SNTG1: variants seen among roughly 807,000 people sequenced by gnomAD.
SNTG1 encodes the protein syntrophin gamma 1.
A neutral mutation model predicts 74.7 loss-of-function variants in SNTG1; 39 were observed. The ratio of observed to expected loss-of-function variants is 0.52; its 90% confidence interval spans 0.40 to 0.68. The LOEUF (loss-of-function observed/expected upper bound fraction) is 0.68, where lower values mean the gene tolerates loss of function less well. Ranked by LOEUF, SNTG1 falls within the 30% of genes least tolerant of loss-of-function variation. The pLI is 0.00. For synonymous variants in SNTG1, 254 were observed against 217.1 expected, an observed-to-expected ratio of 1.17 and a Z score of -1.49; for missense variants, 685 against 609.5, an observed-to-expected ratio of 1.12 and a Z score of -1.30.
intron 1 of SNTG1, among the ~76,000 whole-genome samples, chr8:50,044,270 C>G (rs534531732): frequency 3.3e-5 from 5 of 152,030 alleles, no homozygotes; most frequent in Non-Finnish European, 5.9e-5. Context: ...ATTTTTTAAC[C>G]AAGAATTATC....
intron 2 of SNTG1, among the ~76,000 whole-genome samples, chr8:50,211,200 T>G (rs2084506102): frequency 6.6e-6 from 1 of 152,128 alleles, no homozygotes; most frequent in Admixed American, 6.6e-5. Flanking sequence ...AGTACATAAC[T>G]TAGTGTAAAG....
intron 12 of SNTG1, among the ~76,000 whole-genome samples, chr8:50,582,082 A>C (rs555116354): frequency 1.3e-5 from 2 of 152,302 alleles, no homozygotes; most frequent in African/African-American, 4.8e-5. Context: ...ACAATCATCC[A>C]GTATCTGCAG....
intron 2 of SNTG1, among the ~76,000 whole-genome samples, chr8:50,292,115 C>A (rs768438833): frequency 6.6e-6 from 1 of 152,026 alleles, no homozygotes; most frequent in African/African-American, 2.4e-5. Context: ...GCTGAAAATA[C>A]GGTATCCATC....
chr8:50,538,046 T>C (rs916976871), intron 11 of SNTG1, among the ~76,000 whole-genome samples: 1 of 152,204 alleles, frequency 6.6e-6, no homozygotes, highest in African/African-American at 2.4e-5. Flanking sequence ...GATTTATTTA[T>C]AGTATTTTTG....
chr8:50,296,305 CA>C (rs1474419150), intron 2 of SNTG1, among the ~76,000 whole-genome samples: 1 of 152,200 alleles, frequency 6.6e-6, no homozygotes, highest in Admixed American at 6.5e-5. Context: ...TATAAAGACA[CA>C]TGCACATATA....
At chr8:50,311,030 G>C (rs2090091102) in intron 2 of SNTG1, among the ~76,000 whole-genome samples, 1 of 152,130 alleles carries the variant, frequency 6.6e-6, no homozygotes, top group Non-Finnish European at 1.5e-5. Flanking sequence ...CCAAAATTAG[G>C]TCCTGACTTC....
chr8:50,668,119 T>C (rs1180063888), intron 15 of SNTG1, among the ~76,000 whole-genome samples: 1 of 152,024 alleles, frequency 6.6e-6, no homozygotes, highest in Non-Finnish European at 1.5e-5. Context: ...CAAATCCAGC[T>C]TCCTGTCTTA....
intron 2 of SNTG1, among the ~76,000 whole-genome samples, chr8:50,290,835 A>C (rs2089058388): frequency 6.6e-6 from 1 of 151,972 alleles, no homozygotes. Context: ...CTCAGGGCTC[A>C]CTGCAGCCTT....
chr8:50,696,706 G>A (rs2131481562), intron 15 of SNTG1, among the ~76,000 whole-genome samples: 1 of 152,126 alleles, frequency 6.6e-6, no homozygotes, highest in Non-Finnish European at 1.5e-5. Context: ...TTTACCCAGT[G>A]TATATTCTTG....
chr8:49,992,033 A>G (rs568734269), intron 1 of SNTG1, among the ~76,000 whole-genome samples: 4 of 152,238 alleles, frequency 2.6e-5, no homozygotes, highest in Non-Finnish European at 5.9e-5. Context: ...AGCTATCATT[A>G]TACTGTACTG....
chr8:50,710,815 T>C (rs756094239), intron 17 of SNTG1, among the ~76,000 whole-genome samples: 2 of 152,050 alleles, frequency 1.3e-5, no homozygotes, highest in African/African-American at 4.8e-5. Context: ...AGAAAACAGT[T>C]TAGTAGGAAA....
At chr8:50,406,419 T>C (rs2092876626) in intron 4 of SNTG1, among the ~76,000 whole-genome samples, 1 of 152,196 alleles carries the variant, frequency 6.6e-6, no homozygotes, top group Admixed American at 6.5e-5. Flanking sequence ...AATTTATTAG[T>C]TCTAATAGTT....
chr8:50,254,027 A>G (rs2086766609), intron 2 of SNTG1, among the ~76,000 whole-genome samples: 1 of 152,180 alleles, frequency 6.6e-6, no homozygotes, highest in African/African-American at 2.4e-5. Flanking sequence ...ATATATTGGA[A>G]AACAGAAACG....
chr8:50,461,899 C>G (rs1370821412), intron 8 of SNTG1, among the ~76,000 whole-genome samples: 2 of 152,024 alleles, frequency 1.3e-5, no homozygotes, highest in Non-Finnish European at 2.9e-5. Context: ...TCTAGATGTG[C>G]AAAGTAGTGG....
chr8:50,410,009 T>C (rs1385005548), intron 4 of SNTG1, among the ~76,000 whole-genome samples: 1 of 152,230 alleles, frequency 6.6e-6, no homozygotes, highest in African/African-American at 2.4e-5. Flanking sequence ...TCCAGTTTCC[T>C]TGTGGAATAA....
At chr8:49,986,334 A>C (rs1043882338) in intron 1 of SNTG1, among the ~76,000 whole-genome samples, 3 of 152,120 alleles carry the variant, frequency 2.0e-5, no homozygotes, top group Non-Finnish European at 4.4e-5. Flanking sequence ...GTGTGGGTGG[A>C]GCACTCATTA....
chr8:50,653,809 A>C (rs961557587), intron 13 of SNTG1, among the ~76,000 whole-genome samples: 3 of 152,206 alleles, frequency 2.0e-5, no homozygotes, highest in Admixed American at 6.5e-5. Context: ...AACTATTTTC[A>C]TAATAAAATG....
intron 2 of SNTG1, among the ~76,000 whole-genome samples, chr8:50,233,645 A>C (rs2085743484): frequency 6.6e-6 from 1 of 151,722 alleles, no homozygotes; most frequent in African/African-American, 2.4e-5. Flanking sequence ...AAATAGCTTC[A>C]AACCACAAAC....
chr8:50,509,281 T>C (rs2094041559), intron 9 of SNTG1, among the ~76,000 whole-genome samples: 1 of 152,176 alleles, frequency 6.6e-6, no homozygotes, highest in African/African-American at 2.4e-5. Context: ...TTGGTCTCTA[T>C]CTCTGTTTTG....
Sources: allele counts gnomAD v4.1 joint callset (sites outside exome capture counted in the v4.1 genomes callset), GRCh38; gene constraint gnomAD v4.1.1; transcripts MANE v1.5; gene names NCBI Gene and HGNC (gene_info 2026-07-23, HGNC 2026-07-21).